PCLO: variants seen among roughly 807,000 people sequenced by gnomAD.
PCLO encodes the protein protein piccolo.
Under a neutral mutation model 427.5 loss-of-function variants are expected in PCLO, and 82 were observed. That is an observed-to-expected ratio of 0.19 (90% confidence interval 0.16 to 0.23). PCLO has a LOEUF of 0.23. Among genes scored for constraint, PCLO ranks in the 10% least tolerant of loss-of-function variants. PCLO has a pLI of 1.00. For synonymous variants in PCLO, 2,357 were observed against 2,155.4 expected, an observed-to-expected ratio of 1.09 and a Z score of -2.59; for missense variants, 6,239 against 6,115.9, an observed-to-expected ratio of 1.02 and a Z score of -0.67.
intron 2 of PCLO, among the ~76,000 whole-genome samples, chr7:83,136,657 C>T (rs1791737621): frequency 6.6e-6 from 1 of 152,118 alleles, no homozygotes; most frequent in East Asian, 1.9e-4. Context: ...ACAGGGAAAA[C>T]ATGGTTTCCT....
In PCLO at chr7:83,155,590, G is replaced by T; in HGVS notation, c.1051C>A (p.Pro351Thr). 6.2e-7 allele frequency: 1 copy of T among 1,612,484 alleles called. No homozygotes were observed. The highest frequency in any genetic ancestry group is 8.5e-7 in the Non-Finnish European group (1 of 1,179,258). Residue 351 changes from proline (P) to threonine (T), a missense_variant, in exon 2 of 25, where the codon CCC (proline) becomes ACC (threonine). By Grantham distance (38) the Pro-to-Thr change is conservative (BLOSUM62 -1). Transcript: ENST00000333891. The part of the protein sequence containing the change: ...PLAQQPGTVK[P>T]PVQPPGTTKP... ...GTTGTCCCTGGTGGCTGGACTGGGG[G>T]TTTCACTGTCCCTGGTTGTTGAGCC...
Position 82,915,445 on chromosome 7 carries a change from C to T in PCLO, c.12541G>A (p.Ala4181Thr), listed in dbSNP as rs765477301. ...GACTGCTTTTGATAAAGTATGGCTGCTGGCAGTTGTTTTGCTGCTTGTTTT... is the reference window on the plus strand; with the variant it reads ...GACTGCTTTTGATAAAGTATGGCTGTTGGCAGTTGTTTTGCTGCTTGTTTT... ...LEKQAAKQLP[A>T]AILYQKQSKH... The change falls in exon 7 of 25, where the codon GCA becomes ACA. Residue 4181 changes from alanine to threonine, a missense_variant. By Grantham distance (58) the Ala-to-Thr change is moderately conservative. Around this residue, in one of 5 missense-constraint regions of PCLO, gnomAD observed 680 missense variants for 677.3 expected, o/e 1.00. Transcript: ENST00000333891. 6.2e-7 allele frequency: 1 copy of T among 1,612,972 alleles called. No homozygotes were observed. Among genetic ancestry groups the T allele is most frequent in the African/African-American group, 1.3e-5 (1 of 74,918 alleles).
intron 6 of PCLO, among the ~76,000 whole-genome samples, chr7:82,921,918 A>G (rs137933564): frequency 6.4e-4 from 98 of 152,112 alleles, no homozygotes; most frequent in Middle Eastern, 6.8e-3. Flanking sequence ...AAAATGGTCA[A>G]AGGGCATAAG....
chr7:83,011,615 AC>A (rs199660094), intron 3 of PCLO, among the ~76,000 whole-genome samples: 2,430 of 147,372 alleles, frequency 0.016, 25 homozygotes, highest in Non-Finnish European at 0.026. Flanking sequence ...AAAAAAAAAA[AC>A]AAATCCTAAG....
chr7:83,046,260 C>G (rs1789101494), intron 3 of PCLO, among the ~76,000 whole-genome samples: 1 of 152,028 alleles, frequency 6.6e-6, no homozygotes, highest in South Asian at 2.1e-4. Flanking sequence ...ACAATTCAGC[C>G]TATCACACTA....
At chr7:82,916,961 G>T in intron 6 of PCLO, 88 bp from the exon 7 acceptor site, 1 of 906,068 alleles carries the variant, frequency 1.1e-6, no homozygotes, top group Non-Finnish European at 1.6e-6. Flanking sequence ...TAATAAAAAT[G>T]ATTTCATGTA....
At position 82,754,820 on chromosome 7, in the gene PCLO, T is replaced by C. The variant is rs1009653175; in HGVS notation, c.*3755A>G. 6.6e-6 allele frequency: 1 copy of C among 152,096 alleles called. No individual in the cohort carries two copies. The highest frequency in any genetic ancestry group is 1.5e-5 in the Non-Finnish European group (1 of 67,960). 9.4% of individuals were successfully genotyped at this position (152,096 alleles called of 1,614,324 possible). The stretch of plus-strand genomic sequence containing the variant: ...AATTATTCATTGAGTCTTCTTTCAC[T>C]TTCATGTCAAGCTCAAAAAGAGGGA... On this transcript the variant is annotated 3_prime_UTR_variant, in exon 25 of 25. Coordinates refer to ENST00000333891, the MANE Select transcript of PCLO (RefSeq NM_033026.6).
At chr7:83,152,985 T>G (rs993337293) in intron 2 of PCLO, among the ~76,000 whole-genome samples, 2 of 152,086 alleles carry the variant, frequency 1.3e-5, no homozygotes, top group African/African-American at 4.8e-5. Flanking sequence ...AGAAATAACA[T>G]ATACAGCTTA....
chr7:82,772,990 G>A (rs760096068), intron 22 of PCLO, among the ~76,000 whole-genome samples: 6 of 152,096 alleles, frequency 3.9e-5, no homozygotes, highest in African/African-American at 1.4e-4. Context: ...CAGGAATGAG[G>A]TAGGAGAGCT....
chr7:82,991,243 C>T (rs554521165), intron 3 of PCLO, among the ~76,000 whole-genome samples: 7 of 152,036 alleles, frequency 4.6e-5, no homozygotes, highest in Non-Finnish European at 1.0e-4. Context: ...TGTGTTGTTA[C>T]CACATCATTG....
rs770236205 is a variant in PCLO at position 82,793,498 on chromosome 7, A to G, written c.15007+8020T>C. Among the ~76,000 whole-genome samples, 9 of 152,262 alleles carry G rather than the reference A, an allele frequency of 5.9e-5. No homozygotes were observed. The East Asian group carries it at 1.7e-3, about 29-fold the overall frequency. ...GTTCACCTCCCTGGAGACAAACGCC[A>G]TTCGAAATTGGGTTTTCAGGGCCCT... On this transcript the variant is annotated intron_variant, in intron 22 of 24. Coordinates refer to ENST00000333891, the MANE Select transcript of PCLO (RefSeq NM_033026.6).
intron 3 of PCLO, among the ~76,000 whole-genome samples, chr7:83,038,427 T>C (rs988706696): frequency 6.6e-6 from 1 of 151,848 alleles, no homozygotes; most frequent in Non-Finnish European, 1.5e-5. Flanking sequence ...ATCTGCTTTC[T>C]ATCTCTATAA....
chr7:83,000,292 AG>A (rs1562910212), intron 3 of PCLO, among the ~76,000 whole-genome samples: 1,988 of 149,842 alleles, frequency 0.013, 43 homozygotes, highest in Admixed American at 0.048. Flanking sequence ...AGAGAGAGAG[AG>A]AGAGAGAGAG....
chr7:83,123,713 ACTAT>A (rs142762137), intron 3 of PCLO, among the ~76,000 whole-genome samples: 6,937 of 152,250 alleles, frequency 0.046, 210 homozygotes, highest in South Asian at 0.1. Context: ...AATTTTGCAA[ACTAT>A]CTATCTGACA....
At chr7:83,034,014 C>A (rs1437675738) in intron 3 of PCLO, among the ~76,000 whole-genome samples, 1 of 152,160 alleles carries the variant, frequency 6.6e-6, no homozygotes, top group Non-Finnish European at 1.5e-5. Context: ...TCAAGTAATG[C>A]TCAATATATT....
intron 9 of PCLO, among the ~76,000 whole-genome samples, chr7:82,892,446 G>A (rs7804067): frequency 0.041 from 6,261 of 152,016 alleles, 448 homozygotes; most frequent in African/African-American, 0.14. Context: ...TTAAAGACGT[G>A]CATGTTAGAC....
At position 82,755,919 on chromosome 7, in the gene PCLO, G is replaced by C. The variant is rs563494007; in HGVS notation, c.*2656C>G. ...TGGCAGGATCTTATGCTCTCTGAAG[G>C]GGAATGCTGGTGCACAAAAAGAAGC... On this transcript the variant is annotated 3_prime_UTR_variant, in exon 25 of 25. Transcript: ENST00000333891. 2.0e-5 allele frequency: 3 copies of C among 152,122 alleles called. No individual in the cohort carries two copies. Among genetic ancestry groups the C allele is most frequent in the Non-Finnish European group, 4.4e-5 (3 of 68,042 alleles). 9.4% of individuals were successfully genotyped at this position (152,122 alleles called of 1,614,324 possible).
chr7:82,893,842 A>T, intron 9 of PCLO, among the ~76,000 whole-genome samples: 1 of 151,902 alleles, frequency 6.6e-6, no homozygotes, highest in East Asian at 1.9e-4. Context: ...CAGATGAGTA[A>T]TTCTGGCTGG....
rs13241823 is a variant in PCLO at position 82,953,688 on chromosome 7, G to A, written c.7265C>T (p.Pro2422Leu). The change falls in exon 5 of 25, where the codon CCT becomes CTT. Residue 2422 changes from proline to leucine, a missense_variant. Physicochemically the swap from Pro to Leu is moderately conservative, Grantham distance 98. Transcript: ENST00000333891. The stretch of plus-strand genomic sequence containing the variant: ...TGGTGGAGGAAGTGGTGGGGGAGGA[G>A]GGGGTGGTGGTGGAGGAGGAGGAGG... ...PPPPPPPPPP[P>L]PPPPLPPPTS... 2.5e-6 allele frequency: 3 copies of A among 1,180,788 alleles called. No individual in the cohort carries two copies. Among genetic ancestry groups the A allele is most frequent in the Non-Finnish European group, 3.6e-6 (3 of 837,350 alleles). 73.1% of individuals were successfully genotyped at this position (1,180,788 alleles called of 1,614,324 possible). A position where few individuals can be genotyped will look rare whatever the true frequency, so the allele number is the denominator to read the frequency against.
Sources: gnomAD v4.1 joint callset for allele counts (sites outside exome capture counted in the v4.1 genomes callset) on GRCh38, gnomAD v4.1.1 for gene constraint, gnomAD v4.1.1 regional missense constraint, MANE v1.5 for transcripts, NCBI Gene and HGNC (gene_info 2026-07-23, HGNC 2026-07-21) for gene names.